CREB5: variants seen among roughly 807,000 people sequenced by gnomAD.
CREB5 encodes cAMP responsive element binding protein 5, also known as cyclic AMP-responsive element-binding protein 5.
Under a neutral mutation model 57.1 loss-of-function variants are expected in CREB5, and 19 were observed. That is an observed-to-expected ratio of 0.33 (90% confidence interval 0.23 to 0.49). The LOEUF (loss-of-function observed/expected upper bound fraction) is 0.49. CREB5 is among the 20% of genes least tolerant of loss of function. CREB5 has a pLI of 0.99. For synonymous variants in CREB5, 238 were observed against 238.3 expected (o/e 1.00, Z 0.01); for missense variants, 579 against 671.6 (o/e 0.86, Z 1.52).
intron 1 of CREB5, among the ~76,000 whole-genome samples, chr7:28,439,054 A>T (rs563807714): frequency 6.6e-6 from 1 of 152,252 alleles, no homozygotes; most frequent in Admixed American, 6.5e-5. Flanking sequence ...CCACAGACAG[A>T]TCTACTTGTG....
intron 1 of CREB5, among the ~76,000 whole-genome samples, chr7:28,332,454 T>C (rs1211316712): frequency 1.3e-5 from 2 of 152,184 alleles, no homozygotes; most frequent in Non-Finnish European, 2.9e-5. Context: ...ATGACTGGCA[T>C]ATAGTAGACG....
chr7:28,397,119 T>C (rs1334160075), intron 1 of CREB5, among the ~76,000 whole-genome samples: 1 of 152,178 alleles, frequency 6.6e-6, no homozygotes, highest in East Asian at 1.9e-4. Flanking sequence ...AGGCGCAGTG[T>C]AATGAGTTGA....
chr7:28,578,387 AT>A (rs1286625067), intron 5 of CREB5, among the ~76,000 whole-genome samples: 1 of 152,224 alleles, frequency 6.6e-6, no homozygotes, highest in African/African-American at 2.4e-5. Context: ...TTATTGAAGA[AT>A]ATCAAAAAGA....
intron 5 of CREB5, among the ~76,000 whole-genome samples, chr7:28,717,446 A>T (rs1261962257): frequency 6.6e-6 from 1 of 152,146 alleles, no homozygotes; most frequent in Non-Finnish European, 1.5e-5. Flanking sequence ...TCTTCTTTGA[A>T]ATTGCAACAG....
At chr7:28,309,243 G>A (rs1785236237) in intron 1 of CREB5, among the ~76,000 whole-genome samples, 1 of 152,086 alleles carries the variant, frequency 6.6e-6, no homozygotes, top group East Asian at 1.9e-4. Context: ...ATGCACACAA[G>A]CTATTGGTCT....
At chr7:28,741,149 T>C (rs1804308409) in intron 7 of CREB5, among the ~76,000 whole-genome samples, 1 of 152,134 alleles carries the variant, frequency 6.6e-6, no homozygotes, top group African/African-American at 2.4e-5. Flanking sequence ...CACAAACACT[T>C]CCATTAAAAA....
At chr7:28,762,956 T>C (rs1445126362) in intron 7 of CREB5, among the ~76,000 whole-genome samples, 1 of 152,204 alleles carries the variant, frequency 6.6e-6, no homozygotes, top group Non-Finnish European at 1.5e-5. Flanking sequence ...AGTATTCCAC[T>C]TAAGATGTGG....
rs187142139 is a variant in CREB5, at chr7:28,666,571, C to A, written c.465-52182C>A. ...ATATATTTTTTATTTAAAATAAACG[C>A]CATGGACCAGATAGCCCAAAGAAAG... On this transcript the variant is annotated intron_variant, in intron 5 of 10. Transcript: ENST00000357727. 1.6e-4 allele frequency among the ~76,000 whole-genome samples: 24 copies of A among 151,962 alleles called. No homozygotes were observed. In the East Asian group the frequency reaches 3.7e-3, roughly 23 times the overall value.
At chr7:28,677,572 C>T (rs1477986364) in intron 5 of CREB5, among the ~76,000 whole-genome samples, 3 of 152,148 alleles carry the variant, frequency 2.0e-5, no homozygotes, top group Non-Finnish European at 4.4e-5. Context: ...TACTTTTTCT[C>T]TTGGGGGTTT....
chr7:28,604,158 C>T (rs756192795), intron 5 of CREB5, among the ~76,000 whole-genome samples: 5 of 152,052 alleles, frequency 3.3e-5, no homozygotes, highest in Non-Finnish European at 7.4e-5. Context: ...AAGGTCACCA[C>T]CACAGGAAAT....
intron 1 of CREB5, among the ~76,000 whole-genome samples, chr7:28,451,396 A>G (rs1789795923): frequency 6.6e-6 from 1 of 151,882 alleles, no homozygotes; most frequent in Non-Finnish European, 1.5e-5. Context: ...GTATTTTACA[A>G]TGAATCTGGA....
At chr7:28,509,528 T>C (rs536216975) in intron 4 of CREB5, among the ~76,000 whole-genome samples, 1 of 152,338 alleles carries the variant, frequency 6.6e-6, no homozygotes, top group African/African-American at 2.4e-5. Flanking sequence ...TTTTCGAACA[T>C]TGTGACGAGC....
chr7:28,538,975 C>A (rs1794093098), intron 4 of CREB5, among the ~76,000 whole-genome samples: 1 of 152,116 alleles, frequency 6.6e-6, no homozygotes, highest in Admixed American at 6.5e-5. Context: ...GATTTTAATT[C>A]TCTGCTGTTT....
At chr7:28,368,180 G>A (rs1334090040) in intron 1 of CREB5, among the ~76,000 whole-genome samples, 2 of 152,146 alleles carry the variant, frequency 1.3e-5, no homozygotes, top group Admixed American at 6.5e-5. Context: ...ACTTATAAGT[G>A]GGGGCTAAGC....
chr7:28,451,013 C>A (rs1789771069), intron 1 of CREB5, among the ~76,000 whole-genome samples: 1 of 152,080 alleles, frequency 6.6e-6, no homozygotes, highest in Non-Finnish European at 1.5e-5. Flanking sequence ...GTAATTTGGG[C>A]AAAACATATT....
At chr7:28,718,716 C>A (rs1304064551) in intron 5 of CREB5, 37 bp from the exon 6 acceptor site, 1 of 1,609,284 alleles carries the variant, frequency 6.2e-7, no homozygotes, top group African/African-American at 1.3e-5. Context: ...GCCAGGGCAC[C>A]AGGAATCATG....
chr7:28,800,131 C>T (rs1261079945), intron 7 of CREB5, among the ~76,000 whole-genome samples: 2 of 152,098 alleles, frequency 1.3e-5, no homozygotes, highest in African/African-American at 2.4e-5. Context: ...CAAATTATAT[C>T]GCTACAAACT....
chr7:28,391,373 G>A (rs1787212666), intron 1 of CREB5, among the ~76,000 whole-genome samples: 1 of 152,140 alleles, frequency 6.6e-6, no homozygotes, highest in South Asian at 2.1e-4. Flanking sequence ...TTTCTCACTG[G>A]TCGTTTAATT....
intron 1 of CREB5, among the ~76,000 whole-genome samples, chr7:28,362,744 G>A (rs909613462): frequency 5.3e-5 from 8 of 152,108 alleles, no homozygotes; most frequent in Non-Finnish European, 8.8e-5. Flanking sequence ...CATCGTCCTT[G>A]GGTAGAGGTA....
Sources: gnomAD v4.1 joint callset for allele counts (sites outside exome capture counted in the v4.1 genomes callset) on GRCh38, gnomAD v4.1.1 for gene constraint, MANE v1.5 for transcripts, NCBI Gene and HGNC (gene_info 2026-07-23, HGNC 2026-07-21) for gene names.